The following CD6 variants were observed in gnomAD, a reference collection of about 807,000 sequenced individuals.
CD6 encodes the protein T-cell differentiation antigen CD6.
Under a neutral mutation model 75.3 loss-of-function variants are expected in CD6, and 53 were observed. The ratio of observed to expected loss-of-function variants is 0.70; its 90% CI spans 0.56 to 0.88. The LOEUF is 0.88. Among genes scored for constraint, CD6 ranks in the 40% least tolerant of loss-of-function variants. The pLI is 0.00. For missense variants in CD6, 770 were observed against 897.1 expected, an observed-to-expected ratio of 0.86 and a Z score of 1.81; for synonymous variants, 359 against 381.5, an observed-to-expected ratio of 0.94 and a Z score of 0.69.
intron 1 of CD6, among the ~76,000 whole-genome samples, chr11:61,006,142 C>T (rs955595189): frequency 5.9e-5 from 9 of 152,156 alleles, no homozygotes; most frequent in African/African-American, 2.2e-4. Context: ...CTAAATCACT[C>T]CCACTTTCGA....
Position 61,009,565 on chromosome 11 carries a change from C to G in CD6, c.782-7C>G, listed in dbSNP as rs139706068. ...ACCTGACTCTGTCCCCTGCCCCTTCCCTGCAGAGCACCAGTCCTGGCGCCT... is the reference window on the plus strand; with the variant it reads ...ACCTGACTCTGTCCCCTGCCCCTTCGCTGCAGAGCACCAGTCCTGGCGCCT... On this transcript the variant is annotated splice_polypyrimidine_tract_variant and splice_region_variant and intron_variant, in intron 4 of 12. Coordinates refer to ENST00000313421, the MANE Select transcript of CD6 (RefSeq NM_006725.5). 8 of 1,590,652 alleles carry G rather than the reference C, an allele frequency of 5.0e-6. No individual in the cohort carries two copies. The highest frequency in any genetic ancestry group is 6.8e-6 in the Non-Finnish European group (8 of 1,168,752).
In CD6 at chr11:61,019,354, C is replaced by T; in HGVS notation, c.*36C>T. On this transcript the variant is annotated 3_prime_UTR_variant, in exon 13 of 13. Coordinates refer to ENST00000313421, the MANE Select transcript of CD6 (RefSeq NM_006725.5). Reference sequence around the variant, plus strand: ...GCCGAGGCTCCTGGGGTGGCTCTGACCCTCTGGCCTCCTGCTCTACCTACT... The same window carrying T: ...GCCGAGGCTCCTGGGGTGGCTCTGATCCTCTGGCCTCCTGCTCTACCTACT... 6 of 1,551,694 alleles carry T rather than the reference C, an allele frequency of 3.9e-6. No individual in the cohort carries two copies. The highest frequency in any genetic ancestry group is 4.4e-6 in the Non-Finnish European group (5 of 1,135,526).
chr11:60,981,134 A>G (rs1290255409), intron 1 of CD6, among the ~76,000 whole-genome samples: 2 of 152,248 alleles, frequency 1.3e-5, no homozygotes, highest in Admixed American at 1.3e-4. Context: ...TTAGGCAGGC[A>G]GTACAAGGAT....
intron 1 of CD6, among the ~76,000 whole-genome samples, chr11:61,005,512 G>A (rs1328818346): frequency 2.0e-5 from 3 of 152,234 alleles, no homozygotes; most frequent in Non-Finnish European, 2.9e-5. Flanking sequence ...AGGGCAGAAT[G>A]GATAGTAGCT....
intron 11 of CD6, 39 bp downstream of exon 11, chr11:61,018,052 G>T: frequency 6.3e-7 from 1 of 1,599,554 alleles, no homozygotes. Flanking sequence ...CCCATAGCCA[G>T]CCTGGCTGGA....
chr11:61,017,525 G>T lies in CD6; in HGVS notation c.1557G>T (p.Arg519Ser), dbSNP rs1403939388. 11 of 1,552,502 alleles carry T rather than the reference G, an allele frequency of 7.1e-6. No homozygotes were observed. The Admixed American group carries it at 1.8e-4, about 25-fold the overall frequency. The stretch of plus-strand genomic sequence containing the variant: ...CAGATGAGGAGGTCCAGCAAAGCAG[G>T]TTCCAGATGCCACCCTTGGAGGAAG... ...RVTDEEVQQS[R>S]FQMPPLEEGL... Residue 519 changes from arginine to serine, a missense_variant, in exon 10 of 13, where the codon AGG (arginine) becomes AGT (serine). By Grantham distance (110) the Arg-to-Ser change is moderately radical (BLOSUM62 -1). Coordinates refer to ENST00000313421, the MANE Select transcript of CD6 (RefSeq NM_006725.5).
At position 61,019,689 on chromosome 11, in the gene CD6, C is replaced by G; in HGVS notation, c.*371C>G. On this transcript the variant is annotated 3_prime_UTR_variant, in exon 13 of 13. Coordinates refer to ENST00000313421, the MANE Select transcript of CD6 (RefSeq NM_006725.5). ...CCTTCCAAACCTCAAGTGTCCGGCG[C>G]TTTGATTGCCTGAGTTTCTGACACT... The G allele has an allele frequency of 4.7e-6, 1 of 214,592 alleles. No homozygotes were observed. The highest frequency in any genetic ancestry group is 9.2e-6 in the Non-Finnish European group (1 of 108,662). 13.3% of individuals were successfully genotyped at this position (214,592 alleles called of 1,614,324 possible).
At chr11:60,984,808 G>A (rs561938052) in intron 1 of CD6, among the ~76,000 whole-genome samples, 1 of 152,198 alleles carries the variant, frequency 6.6e-6, no homozygotes, top group Admixed American at 6.5e-5. Flanking sequence ...TTCCCGTCAG[G>A]GGGAGGAGCA....
intron 9 of CD6, among the ~76,000 whole-genome samples, chr11:61,016,088 A>T (rs1266944772): frequency 6.6e-6 from 1 of 152,196 alleles, no homozygotes; most frequent in Non-Finnish European, 1.5e-5. Context: ...GTCTCTGGCC[A>T]CGTAAGGTCT....
At chr11:61,012,395 G>A (rs957703998) in intron 6 of CD6, among the ~76,000 whole-genome samples, 3 of 152,158 alleles carry the variant, frequency 2.0e-5, no homozygotes, top group Admixed American at 1.3e-4. Flanking sequence ...CCCCATGGCC[G>A]CAACACCCAG....
intron 1 of CD6, 100 bp downstream of exon 1, chr11:60,972,014 G>T: frequency 7.9e-7 from 1 of 1,262,830 alleles, no homozygotes; most frequent in Non-Finnish European, 1.1e-6. Context: ...CACTTTTCTA[G>T]GATCTTTTAG....
rs570903399 is a variant in CD6 at position 61,020,204 on chromosome 11, T to A, written c.*886T>A. Reference sequence around the variant, plus strand: ...AGCTGCACTAGGCCCCGAGTCCCCATGTGTCTCCTTGAATTGATGAGGATG... The same window carrying A: ...AGCTGCACTAGGCCCCGAGTCCCCAAGTGTCTCCTTGAATTGATGAGGATG... On this transcript the variant is annotated 3_prime_UTR_variant, in exon 13 of 13. Transcript: ENST00000313421. The A allele has an allele frequency of 8.3e-5, 33 of 398,666 alleles. No homozygotes were observed. The highest frequency in any genetic ancestry group is 1.2e-4 in the Non-Finnish European group (27 of 226,078). 24.7% of individuals were successfully genotyped at this position (398,666 alleles called of 1,614,324 possible).
At chr11:60,973,645 G>A (rs2134978966) in intron 1 of CD6, among the ~76,000 whole-genome samples, 1 of 152,312 alleles carries the variant, frequency 6.6e-6, no homozygotes, top group Non-Finnish European at 1.5e-5. Context: ...TGAAGACCCA[G>A]AGCTCATCCC....
chr11:61,007,960 CT>C lies in CD6; in HGVS notation c.469+52del. The C allele has an allele frequency of 8.6e-7, 1 of 1,168,720 alleles. No individual in the cohort carries two copies. The highest frequency in any genetic ancestry group is 1.1e-6 in the Non-Finnish European group (1 of 909,974). 72.4% of individuals were successfully genotyped at this position (1,168,720 alleles called of 1,614,324 possible). A position where few individuals can be genotyped will look rare whatever the true frequency, so the allele number is the denominator to read the frequency against. On this transcript the variant is annotated intron_variant, in intron 3 of 12. Coordinates refer to ENST00000313421, the MANE Select transcript of CD6 (RefSeq NM_006725.5). This position sits in a 1 kb window ranked among gnomAD's most constrained non-coding sequence, Gnocchi z 4.2. ...CCCCCACCTGCCCCACTCCCCAGGCCTTCAGCCACTGCCCCTGGCTCCAGAC... is the reference window on the plus strand; with the variant it reads ...CCCCCACCTGCCCCACTCCCCAGGCCTCAGCCACTGCCCCTGGCTCCAGAC...
Position 61,013,569 on chromosome 11 carries a change from T to C in CD6, c.1291+6T>C. The C allele has an allele frequency of 1.2e-6, 2 of 1,613,988 alleles. No individual in the cohort carries two copies. The highest frequency in any genetic ancestry group is 2.7e-5 in the African/African-American group (2 of 75,048). ...GAGAATTAAAGGAAAATATGGTAAGTGCAAGGTTCTGGGAGCCATGGCCAT... is the reference window on the plus strand; with the variant it reads ...GAGAATTAAAGGAAAATATGGTAAGCGCAAGGTTCTGGGAGCCATGGCCAT... On this transcript the variant is annotated splice_donor_region_variant and intron_variant, in intron 7 of 12. Transcript: ENST00000313421.
At chr11:61,009,289 G>A (rs775093559) in intron 4 of CD6, among the ~76,000 whole-genome samples, 2 of 152,176 alleles carry the variant, frequency 1.3e-5, no homozygotes, top group Non-Finnish European at 2.9e-5. Flanking sequence ...GTGTTAAAAT[G>A]TAGATTCTGA....
chr11:61,016,312 G>C (rs1859402987), intron 9 of CD6, among the ~76,000 whole-genome samples: 1 of 152,228 alleles, frequency 6.6e-6, no homozygotes, highest in African/African-American at 2.4e-5. Context: ...GCCTTCTGGG[G>C]ATAGGAAGAG....
intron 4 of CD6, among the ~76,000 whole-genome samples, chr11:61,009,352 G>A (rs1250373747): frequency 6.6e-6 from 1 of 152,224 alleles, no homozygotes; most frequent in Non-Finnish European, 1.5e-5. Flanking sequence ...CAAGATCCCA[G>A]GCAATGCCGA....
chr11:60,998,119 C>CT (rs1214927936), intron 1 of CD6, among the ~76,000 whole-genome samples: 1 of 152,202 alleles, frequency 6.6e-6, no homozygotes, highest in East Asian at 1.9e-4. Context: ...AGGGTGATTT[C>CT]TAGAGCCAGA....
Sources: gnomAD v4.1 joint callset for allele counts (sites outside exome capture counted in the v4.1 genomes callset) on GRCh38, gnomAD v4.1.1 for gene constraint, Gnocchi (gnomAD v3.1) non-coding constraint, MANE v1.5 for transcripts, NCBI Gene and HGNC (gene_info 2026-07-23, HGNC 2026-07-21) for gene names.